The following SORCS2 variants were observed in gnomAD, a reference collection of about 807,000 sequenced individuals.
SORCS2 encodes VPS10 domain-containing receptor SorCS2.
Under a neutral mutation model 141.6 loss-of-function variants are expected in SORCS2, and 100 were observed. The ratio of observed to expected loss-of-function variants is 0.71; its 90% CI spans 0.60 to 0.83. The LOEUF is 0.83. Among genes scored for constraint, SORCS2 ranks in the 40% least tolerant of loss-of-function variants. SORCS2 has a pLI of 0.00. For missense variants in SORCS2, 1,646 were observed against 1,560.2 expected (o/e 1.05, Z -0.93); for synonymous variants, 789 against 676.9 (o/e 1.17, Z -2.57).
intron 3 of SORCS2, among the ~76,000 whole-genome samples, chr4:7,543,863 C>CCCATCCAT (rs1712988689): frequency 1.2e-4 from 8 of 66,722 alleles, no homozygotes; most frequent in Admixed American, 3.1e-4. Context: ...CATCCATCCA[C>CCCATCCAT]CCATCCATCC....
At chr4:7,600,938 G>A (rs1172123749) in intron 3 of SORCS2, among the ~76,000 whole-genome samples, 1 of 152,074 alleles carries the variant, frequency 6.6e-6, no homozygotes, top group East Asian at 1.9e-4. Context: ...CAGGCTGGTG[G>A]GCAATGGCAT....
intron 2 of SORCS2, among the ~76,000 whole-genome samples, chr4:7,527,780 G>C (rs1733788490): frequency 6.6e-6 from 1 of 152,176 alleles, no homozygotes; most frequent in Non-Finnish European, 1.5e-5. Context: ...GCACAGATGA[G>C]AGAGGAAGGG....
intron 1 of SORCS2, among the ~76,000 whole-genome samples, chr4:7,215,770 T>C (rs1728308171): frequency 6.6e-6 from 1 of 152,232 alleles, no homozygotes; most frequent in Non-Finnish European, 1.5e-5. Flanking sequence ...GGTGGGGTCT[T>C]GGAGAACCTG....
At chr4:7,204,620 A>G (rs1020752305) in intron 1 of SORCS2, among the ~76,000 whole-genome samples, 3 of 152,064 alleles carry the variant, frequency 2.0e-5, no homozygotes, top group African/African-American at 7.3e-5. Context: ...CACAATTGCA[A>G]CCCCCAAGGA....
At chr4:7,597,530 C>T (rs1353613659) in intron 3 of SORCS2, among the ~76,000 whole-genome samples, 3 of 40,654 alleles carry the variant, frequency 7.4e-5, no homozygotes, top group African/African-American at 1.1e-4. Flanking sequence ...TACACAATGG[C>T]GGGGGGCTAT....
At chr4:7,209,679 G>GTT (rs761057862) in intron 1 of SORCS2, among the ~76,000 whole-genome samples, 1,952 of 147,028 alleles carry the variant, frequency 0.013, 23 homozygotes, top group Middle Eastern at 0.043. Context: ...CTTCCAATCT[G>GTT]TTTTTTTTTT....
intron 2 of SORCS2, among the ~76,000 whole-genome samples, chr4:7,475,342 C>T (rs1338647596): frequency 1.3e-5 from 2 of 152,150 alleles, no homozygotes; most frequent in Admixed American, 6.5e-5. Context: ...GTGTGGAACA[C>T]CTGCCACAAG....
At chr4:7,413,311 G>A (rs4558873) in intron 2 of SORCS2, among the ~76,000 whole-genome samples, 104,569 of 150,664 alleles carry the variant, frequency 0.69, 36,490 homozygotes, top group African/African-American at 0.77. Context: ...ATGCAAATAT[G>A]TACGTGATTT....
chr4:7,283,946 C>G (rs147836783), intron 1 of SORCS2, among the ~76,000 whole-genome samples: 94 of 152,224 alleles, frequency 6.2e-4, no homozygotes, highest in African/African-American at 2.2e-3. Flanking sequence ...CCCTTGGCCT[C>G]TAGGAATCTG....
intron 14 of SORCS2, among the ~76,000 whole-genome samples, 151 bp downstream of exon 14, chr4:7,704,435 C>T (rs1184946332): frequency 1.3e-5 from 2 of 152,180 alleles, no homozygotes; most frequent in African/African-American, 4.8e-5. Flanking sequence ...AGGACAGGAC[C>T]GAGGCTCCAG....
At chr4:7,695,225 T>C (rs545584380) in intron 11 of SORCS2, among the ~76,000 whole-genome samples, 13 of 146,624 alleles carry the variant, frequency 8.9e-5, no homozygotes, top group African/African-American at 3.3e-4. Flanking sequence ...GGAGGATGCA[T>C]AGATGGATGG....
At chr4:7,245,167 G>A (rs894323577) in intron 1 of SORCS2, among the ~76,000 whole-genome samples, 1 of 152,154 alleles carries the variant, frequency 6.6e-6, no homozygotes, top group African/African-American at 2.4e-5. Context: ...CAGGAGCCTG[G>A]ATGCAGGTCC....
chr4:7,414,622 T>C (rs1039827950), intron 2 of SORCS2, among the ~76,000 whole-genome samples: 3 of 152,082 alleles, frequency 2.0e-5, no homozygotes, highest in Non-Finnish European at 2.9e-5. Flanking sequence ...GACTCAAATG[T>C]AATAATTCTA....
chr4:7,259,286 C>T (rs1714148619), intron 1 of SORCS2, among the ~76,000 whole-genome samples: 1 of 152,134 alleles, frequency 6.6e-6, no homozygotes, highest in Non-Finnish European at 1.5e-5. Context: ...CCTCATTTTA[C>T]AGACGTGGAA....
intron 1 of SORCS2, among the ~76,000 whole-genome samples, chr4:7,202,167 T>G (rs1194275122): frequency 6.6e-6 from 1 of 152,190 alleles, no homozygotes; most frequent in Non-Finnish European, 1.5e-5. Context: ...AACACAGACT[T>G]AGGCAATTTG....
In SORCS2 at chr4:7,582,589, C is replaced by T. The variant is rs1347423705; in HGVS notation, c.648+50960C>T. 2.6e-5 allele frequency among the ~76,000 whole-genome samples: 4 copies of T among 152,138 alleles called. No individual in the cohort carries two copies. In the East Asian group the frequency reaches 7.7e-4, roughly 29 times the overall value. ...CGGGGTTTCATATGTAGCAGAGCAGCTCCCTCGCTGCAATCTATTGAAAGT... is the reference window on the plus strand; with the variant it reads ...CGGGGTTTCATATGTAGCAGAGCAGTTCCCTCGCTGCAATCTATTGAAAGT... On this transcript the variant is annotated intron_variant, in intron 3 of 26. Transcript: ENST00000507866.
intron 2 of SORCS2, among the ~76,000 whole-genome samples, chr4:7,483,630 G>A (rs1019654846): frequency 6.6e-6 from 1 of 152,058 alleles, no homozygotes; most frequent in African/African-American, 2.4e-5. Flanking sequence ...TGTACATGGG[G>A]TCCCAGGCCA....
chr4:7,503,472 G>A (rs73212589), intron 2 of SORCS2, among the ~76,000 whole-genome samples: 3,188 of 151,230 alleles, frequency 0.021, 47 homozygotes, highest in African/African-American at 0.04. Context: ...AGACAGAGAC[G>A]GAGACATAGA....
intron 3 of SORCS2, among the ~76,000 whole-genome samples, chr4:7,545,178 A>G (rs1713160331): frequency 6.6e-6 from 1 of 152,004 alleles, no homozygotes; most frequent in South Asian, 2.1e-4. Flanking sequence ...TTCAGAAAAC[A>G]AGTCTCCTGA....
Sources: allele counts gnomAD v4.1 joint callset (sites outside exome capture counted in the v4.1 genomes callset), GRCh38; gene constraint gnomAD v4.1.1; transcripts MANE v1.5; gene names NCBI Gene and HGNC (gene_info 2026-07-23, HGNC 2026-07-21).